Variants in AIMP2 observed in about 807,000 individuals in gnomAD.
The protein encoded by AIMP2 is aminoacyl tRNA synthetase complex interacting multifunctional protein 2.
Under a neutral mutation model 23.4 loss-of-function variants are expected in AIMP2, and 20 were observed. That is an observed-to-expected ratio of 0.85 (90% CI 0.60 to 1.24). The LOEUF is 1.24. Among genes scored for constraint, AIMP2 ranks in the 50% most tolerant of loss-of-function variants. The pLI, the probability that AIMP2 is intolerant of heterozygous loss-of-function variation, is 0.00. For synonymous variants in AIMP2, 210 were observed against 170.4 expected, an observed-to-expected ratio of 1.23 and a Z score of -1.81; for missense variants, 515 against 414.5, an observed-to-expected ratio of 1.24 and a Z score of -2.10.
intron 3 of AIMP2, among the ~76,000 whole-genome samples, chr7:6,019,027 AC>A (rs1325994549): frequency 1.3e-5 from 2 of 151,722 alleles, no homozygotes; most frequent in African/African-American, 4.8e-5. Flanking sequence ...AGAAATGTAA[AC>A]AAACGTGAAG....
Position 6,023,541 on chromosome 7 carries a change from G to C in AIMP2, c.813G>C (p.Gly271=), listed in dbSNP as rs1562736045. ...SALGKSPWLA[G]NELTVADVVL... is the part of the protein sequence containing the mutation. ...TTGGGAAGAGCCCTTGGCTCGCTGG[G>C]AATGAACTCACCGTAGCAGACGTGG... Residue 271 remains glycine, a synonymous_variant, in exon 4 of 4, where the codon GGG becomes GGC. Transcript: ENST00000223029. The C allele has an allele frequency of 6.2e-7, 1 of 1,614,226 alleles. No homozygotes were observed. The highest frequency in any genetic ancestry group is 2.2e-5 in the East Asian group (1 of 44,874).
At chr7:6,015,007 A>C in intron 1 of AIMP2, 139 bp from the exon 2 acceptor site, 2 of 1,495,538 alleles carry the variant, frequency 1.3e-6, no homozygotes, top group Non-Finnish European at 1.8e-6. Flanking sequence ...GGCGTGAGCC[A>C]CCACACCCAG....
intron 1 of AIMP2, among the ~76,000 whole-genome samples, chr7:6,010,610 G>A (rs539001306): frequency 2.0e-5 from 3 of 151,908 alleles, no homozygotes; most frequent in South Asian, 2.1e-4. Flanking sequence ...CACTGGACCC[G>A]GCTAATTTTT....
chr7:6,011,867 C>T (rs1436172720), intron 1 of AIMP2, among the ~76,000 whole-genome samples: 1 of 152,162 alleles, frequency 6.6e-6, no homozygotes, highest in Non-Finnish European at 1.5e-5. Context: ...TGCCTAACTT[C>T]TTTTGGGTTT....
Position 6,021,220 on chromosome 7 carries a change from T to C in AIMP2, c.575-2083T>C, listed in dbSNP as rs138870420. Among the ~76,000 whole-genome samples, 289 of 151,914 alleles carry C rather than the reference T, an allele frequency of 1.9e-3. 1 individual carries two copies. The highest frequency in any genetic ancestry group is 3.0e-3 in the Non-Finnish European group (204 of 68,000). Reference sequence around the variant, plus strand: ...CTGGCTGGGCATGGTGGCGCATGCCTGTAATTCCAGCTACTTTGGAGGCTG... The same window carrying C: ...CTGGCTGGGCATGGTGGCGCATGCCCGTAATTCCAGCTACTTTGGAGGCTG... On this transcript the variant is annotated intron_variant, in intron 3 of 3. Coordinates refer to ENST00000223029, the MANE Select transcript of AIMP2 (RefSeq NM_006303.4).
Position 6,023,373 on chromosome 7 carries a change from T to A in AIMP2, c.645T>A (p.Arg215=). The A allele has an allele frequency of 6.2e-7, 1 of 1,614,070 alleles. No homozygotes were observed. Among genetic ancestry groups the A allele is most frequent in the South Asian group, 1.1e-5 (1 of 91,056 alleles). ...CPIEGEGNIA[R]FLFSLFGQKH... ...TCGAAGGCGAAGGGAACATTGCACG[T>A]TTCTTGTTCTCTCTGTTTGGCCAGA... is the stretch of plus-strand genomic sequence containing the variant. The change falls in exon 4 of 4, where the codon CGT becomes CGA. Residue 215 remains arginine, a synonymous_variant. Transcript: ENST00000223029.
chr7:6,015,383 T>A (rs1370398274), intron 2 of AIMP2, 31 bp downstream of exon 2: 11 of 1,606,712 alleles, frequency 6.8e-6, no homozygotes, highest in Non-Finnish European at 9.4e-6. Context: ...GAAACGTTAG[T>A]AGGTACTGAG....
chr7:6,009,417 G>T lies in AIMP2; in HGVS notation c.54G>T (p.Val18=), dbSNP rs1454353108. The T allele has an allele frequency of 3.7e-6, 6 of 1,611,514 alleles. No homozygotes were observed. The highest frequency in any genetic ancestry group is 2.2e-5 in the South Asian group (2 of 91,000). Residue 18 remains valine (V), a synonymous_variant, in exon 1 of 4, where the codon GTG becomes GTT. Transcript: ENST00000223029. ...ACGGGGGCGGCGCGCCTCTCCGTGT[G>T]GAGCTTCCCACCTGCATGTACCGGC... ...PYHGGGAPLR[V]ELPTCMYRLP...
Position 6,009,305 on chromosome 7 carries a change from T to A in AIMP2, c.-59T>A. 3.7e-6 allele frequency: 6 copies of A among 1,611,030 alleles called. No individual in the cohort carries two copies. Among genetic ancestry groups the A allele is most frequent in the Non-Finnish European group, 5.1e-6 (6 of 1,179,696 alleles). ...GGTGGCCGGTCTCCGTCGTGACCTC[T>A]GACGGTTTCTGAGCGTTGGCCTTTG... On this transcript the variant is annotated 5_prime_UTR_variant, in exon 1 of 4. Coordinates refer to ENST00000223029, the MANE Select transcript of AIMP2 (RefSeq NM_006303.4).
At chr7:6,019,168 A>G (rs1787225334) in intron 3 of AIMP2, among the ~76,000 whole-genome samples, 2 of 152,114 alleles carry the variant, frequency 1.3e-5, no homozygotes, top group East Asian at 1.9e-4. Flanking sequence ...CTGTGACGCT[A>G]ATCATCTCGG....
rs780972148 is a variant in AIMP2 at position 6,023,543 on chromosome 7, A to G, written c.815A>G (p.Asn272Ser). The G allele has an allele frequency of 2.5e-6, 4 of 1,614,122 alleles. No homozygotes were observed. Among genetic ancestry groups the G allele is most frequent in the Non-Finnish European group, 1.7e-6 (2 of 1,180,054 alleles). Residue 272 changes from asparagine to serine, a missense_variant, in exon 4 of 4, where the codon AAT becomes AGT. Coordinates refer to ENST00000223029, the MANE Select transcript of AIMP2 (RefSeq NM_006303.4). ...ALGKSPWLAG[N>S]ELTVADVVLW... ...GGGAAGAGCCCTTGGCTCGCTGGGA[A>G]TGAACTCACCGTAGCAGACGTGGTG...
chr7:6,016,681 A>G (rs1787049210), intron 2 of AIMP2, among the ~76,000 whole-genome samples: 1 of 152,120 alleles, frequency 6.6e-6, no homozygotes, highest in South Asian at 2.1e-4. Flanking sequence ...ACCTCAGAAG[A>G]CCCAGCGTCA....
In AIMP2 at chr7:6,023,812, C is replaced by T; in HGVS notation, c.*121C>T. 5 of 1,573,776 alleles carry T rather than the reference C, an allele frequency of 3.2e-6. No homozygotes were observed. The highest frequency in any genetic ancestry group is 1.7e-4 in the Middle Eastern group (1 of 6,010). ...TTTATTTAGGCCAGTTGTCAAGTGTCAATAAAAGCATCATGTAATTTATGG... is the reference window on the plus strand; with the variant it reads ...TTTATTTAGGCCAGTTGTCAAGTGTTAATAAAAGCATCATGTAATTTATGG... On this transcript the variant is annotated 3_prime_UTR_variant, in exon 4 of 4. Transcript: ENST00000223029.
intron 2 of AIMP2, among the ~76,000 whole-genome samples, chr7:6,016,026 C>T (rs1787011213): frequency 6.6e-6 from 1 of 152,172 alleles, no homozygotes; most frequent in Non-Finnish European, 1.5e-5. Flanking sequence ...CCCAGAGGTT[C>T]AGCAGAGGCA....
chr7:6,021,893 A>G (rs917383198), intron 3 of AIMP2, among the ~76,000 whole-genome samples: 1 of 152,172 alleles, frequency 6.6e-6, no homozygotes, highest in Admixed American at 6.6e-5. Context: ...AGTCAGACAA[A>G]TTATGATGTA....
At chr7:6,012,602 G>A (rs375584197) in intron 1 of AIMP2, 1 of 243,012 alleles carries the variant, frequency 4.1e-6, no homozygotes. Context: ...CTGTCACCCA[G>A]TCTGGAGTGC....
At chr7:6,010,680 C>G (rs1269980189) in intron 1 of AIMP2, among the ~76,000 whole-genome samples, 1 of 152,022 alleles carries the variant, frequency 6.6e-6, no homozygotes, top group South Asian at 2.1e-4. Context: ...AACTCCTGAC[C>G]TCAAGAGATC....
At chr7:6,009,949 CAAAAAAAA>C (rs1156596688) in intron 1 of AIMP2, among the ~76,000 whole-genome samples, 30 of 22,454 alleles carry the variant, frequency 1.3e-3, no homozygotes, top group African/African-American at 2.9e-3. Flanking sequence ...AACTCTATCT[CAAAAAAAA>C]AAAAAAAAAA....
chr7:6,017,820 G>A lies in AIMP2; in HGVS notation c.349G>A (p.Gly117Arg), dbSNP rs375102151. Reference sequence around the variant, plus strand: ...TGTCTTGGTCTTTCCCCAGGATTACGGGGCGCTGAAAGACATCGTGATCAA... The same window carrying A: ...TGTCTTGGTCTTTCCCCAGGATTACAGGGCGCTGAAAGACATCGTGATCAA... ...DLNSVLGKDY[G>R]ALKDIVINAN... Residue 117 changes from glycine to arginine, a missense_variant, in exon 3 of 4, where the codon GGG (glycine) becomes AGG (arginine). Transcript: ENST00000223029. 5.5e-5 allele frequency: 89 copies of A among 1,613,104 alleles called. No individual in the cohort carries two copies. The highest frequency in any genetic ancestry group is 7.2e-5 in the Non-Finnish European group (85 of 1,179,544).
Sources: allele counts gnomAD v4.1 joint callset (sites outside exome capture counted in the v4.1 genomes callset), GRCh38; gene constraint gnomAD v4.1.1; transcripts MANE v1.5; gene names NCBI Gene and HGNC (gene_info 2026-07-23, HGNC 2026-07-21).